The following ANAPC4 variants were observed in gnomAD, a reference collection of about 807,000 sequenced individuals.
The protein encoded by ANAPC4 is anaphase-promoting complex subunit 4.
ANAPC4 carries 63 observed loss-of-function variants against 119.8 expected under a neutral mutation model. The observed-to-expected ratio is 0.53, with a 90% CI of 0.43 to 0.65. ANAPC4 has a LOEUF of 0.65. Ranked by LOEUF, ANAPC4 falls within the 30% of genes least tolerant of loss-of-function variation. The probability of loss-of-function intolerance (pLI) is 0.00; values close to 1 mark genes in which losing one functional copy is unlikely to be tolerated. For synonymous variants in ANAPC4, 283 were observed against 318.6 expected (o/e 0.89, Z 1.19); for missense variants, 716 against 945.1 (o/e 0.76, Z 3.18).
intron 2 of ANAPC4, among the ~76,000 whole-genome samples, chr4:25,379,695 A>G (rs530450870): frequency 6.6e-6 from 1 of 152,328 alleles, no homozygotes; most frequent in South Asian, 2.1e-4. Flanking sequence ...TGGTTTCAGA[A>G]AAGAGAGGGT....
rs1723721147 is a variant in ANAPC4 at position 25,413,978 on chromosome 4, TC to T, written c.1623+237del. 5 of 484,160 alleles carry T rather than the reference TC, an allele frequency of 1.0e-5. No homozygotes were observed. The East Asian group carries it at 1.6e-4, about 16-fold the overall frequency. The allele number at this position is 484,160 out of a possible 1,614,324, so 30.0% of individuals were successfully genotyped here. A position where few individuals can be genotyped will look rare whatever the true frequency, so the allele number is the denominator to read the frequency against. On this transcript the variant is annotated intron_variant, in intron 22 of 28. Coordinates refer to ENST00000315368, the MANE Select transcript of ANAPC4 (RefSeq NM_013367.3). ...ATAAAGATTACTGAAGGTGTTGGCA[TC>T]TTGAGTATTTTATTTGTTCCCAGAA...
chr4:25,412,300 G>A (rs1312340117), intron 21 of ANAPC4, among the ~76,000 whole-genome samples: 1 of 151,998 alleles, frequency 6.6e-6, no homozygotes, highest in African/African-American at 2.4e-5. Context: ...TATTTCTGGC[G>A]GTTTCATTAT....
At chr4:25,381,826 T>C (rs1721745275) in intron 3 of ANAPC4, among the ~76,000 whole-genome samples, 2 of 152,090 alleles carry the variant, frequency 1.3e-5, no homozygotes, top group African/African-American at 4.8e-5. Flanking sequence ...TGGGCACCTG[T>C]AATCCCAGCT....
intron 20 of ANAPC4, among the ~76,000 whole-genome samples, chr4:25,408,574 AGT>A (rs989732053): frequency 1.2e-4 from 18 of 151,662 alleles, no homozygotes; most frequent in Admixed American, 2.6e-4. Context: ...TCCTCTGAGT[AGT>A]ACAGTGGTGC....
chr4:25,382,681 T>TA (rs1316727331), intron 3 of ANAPC4, among the ~76,000 whole-genome samples: 1 of 152,222 alleles, frequency 6.6e-6, no homozygotes, highest in East Asian at 1.9e-4. Context: ...GTGATGGTGA[T>TA]ATGCAGTGAA....
At chr4:25,414,269 G>A in intron 22 of ANAPC4, 55 bp from the exon 23 acceptor site, 2 of 1,244,032 alleles carry the variant, frequency 1.6e-6, no homozygotes, top group Non-Finnish European at 1.1e-6. Flanking sequence ...TTTCTGTAGA[G>A]TATCTGTGTG....
Position 25,414,658 on chromosome 4 carries a change from T to G in ANAPC4, c.1784T>G (p.Leu595Arg), listed in dbSNP as rs1260415474. The G allele has an allele frequency of 1.9e-6, 3 of 1,551,656 alleles. No individual in the cohort carries two copies. The East Asian group carries it at 6.8e-5, about 35-fold the overall frequency. ...YLLFTILEDS[L>R]YKMCILRRHT... Reference sequence around the variant, plus strand: ...CTTTTTACTATTCTAGAAGATTCACTTTATAAAATGTGCATCTTAAGGAGA... The same window carrying G: ...CTTTTTACTATTCTAGAAGATTCACGTTATAAAATGTGCATCTTAAGGAGA... Residue 595 changes from leucine to arginine, a missense_variant, in exon 25 of 29, where the codon CTT becomes CGT. This residue lies in a region of ANAPC4 where 504 missense variants were observed against 615.8 expected (regional missense o/e 0.82). Coordinates refer to ENST00000315368, the MANE Select transcript of ANAPC4 (RefSeq NM_013367.3).
chr4:25,383,353 G>T lies in ANAPC4; in HGVS notation c.328G>T (p.Val110Phe). 6.2e-7 allele frequency: 1 copy of T among 1,613,390 alleles called. No homozygotes were observed. The highest frequency in any genetic ancestry group is 8.5e-7 in the Non-Finnish European group (1 of 1,179,720). ...SLHSFSVEAP[V>F]SCMHWMEVTV... is the part of the protein sequence containing the mutation. Reference sequence around the variant, plus strand: ...ACACTCTTTTTCTGTGGAGGCTCCAGTTTCCTGTATGCATTGGATGGAAGT... The same window carrying T: ...ACACTCTTTTTCTGTGGAGGCTCCATTTTCCTGTATGCATTGGATGGAAGT... The change falls in exon 4 of 29, where the codon GTT (valine) becomes TTT (phenylalanine). Residue 110 changes from valine (V) to phenylalanine (F), a missense_variant. This residue lies in a region of ANAPC4 where 202 missense variants were observed against 293.5 expected (regional missense o/e 0.69). Coordinates refer to ENST00000315368, the MANE Select transcript of ANAPC4 (RefSeq NM_013367.3).
At chr4:25,382,974 G>A (rs1261011909) in intron 3 of ANAPC4, among the ~76,000 whole-genome samples, 1 of 152,180 alleles carries the variant, frequency 6.6e-6, no homozygotes, top group Non-Finnish European at 1.5e-5. Flanking sequence ...CTTGACAACA[G>A]GGTTTCAAGT....
At chr4:25,399,924 T>C (rs1395872261) in intron 16 of ANAPC4, among the ~76,000 whole-genome samples, 1 of 152,170 alleles carries the variant, frequency 6.6e-6, no homozygotes, top group African/African-American at 2.4e-5. Context: ...TCCTGCAGGC[T>C]GAGTGAAGAA....
At chr4:25,397,333 T>G (rs151338016) in intron 16 of ANAPC4, among the ~76,000 whole-genome samples, 1,868 of 152,274 alleles carry the variant, frequency 0.012, 46 homozygotes, top group African/African-American at 0.043. Flanking sequence ...TGAAGGGTGG[T>G]GTAGTACCTC....
At position 25,388,559 on chromosome 4, in the gene ANAPC4, C is replaced by G. The variant is rs765475845; in HGVS notation, c.428C>G (p.Pro143Arg). 8 of 1,604,150 alleles carry G rather than the reference C, an allele frequency of 5.0e-6. No individual in the cohort carries two copies. The highest frequency in any genetic ancestry group is 2.2e-5 in the East Asian group (1 of 44,690). ...DESNLLLPKL[P>R]TLPKNYSNTS... ...TCAAATCTTCTCTTACCTAAACTAC[C>G]TACACTGCCAAAAAAGTATGTATCA... is the stretch of plus-strand genomic sequence containing the variant. Residue 143 changes from proline (P) to arginine (R), a missense_variant, in exon 5 of 29, where the codon CCT (proline) becomes CGT (arginine). Physicochemically the swap from Pro to Arg is moderately radical, Grantham distance 103. Coordinates refer to ENST00000315368, the MANE Select transcript of ANAPC4 (RefSeq NM_013367.3).
chr4:25,417,550 C>G, intron 27 of ANAPC4, 66 bp from the exon 28 acceptor site: 1 of 1,466,716 alleles, frequency 6.8e-7, no homozygotes, highest in Non-Finnish European at 9.1e-7. Flanking sequence ...CTAATACCAC[C>G]TGTAGTAAAA....
chr4:25,395,109 A>G (rs1350471130), intron 14 of ANAPC4: 2 of 505,664 alleles, frequency 4.0e-6, no homozygotes, highest in African/African-American at 2.0e-5. Context: ...ATTTTCCAAC[A>G]TCTTTTCACC....
chr4:25,388,667 A>G (rs1230431432), intron 5 of ANAPC4, 50 bp from the exon 6 acceptor site: 1 of 1,568,798 alleles, frequency 6.4e-7, no homozygotes, highest in South Asian at 1.2e-5. Context: ...GTTTTAAAAT[A>G]TGTATTTTTA....
chr4:25,392,505 TG>T (rs896555264), intron 10 of ANAPC4, 84 bp downstream of exon 10: 68 of 1,154,842 alleles, frequency 5.9e-5, no homozygotes, highest in Non-Finnish European at 7.5e-5. Flanking sequence ...AATTTTGTTT[TG>T]TAAAGCTTTC....
intron 21 of ANAPC4, among the ~76,000 whole-genome samples, chr4:25,412,330 T>C (rs1355725901): frequency 6.6e-6 from 1 of 152,094 alleles, no homozygotes; most frequent in East Asian, 1.9e-4. Flanking sequence ...ATTGATGAAG[T>C]CATTGGCCAT....
chr4:25,382,114 CTT>C (rs549784708), intron 3 of ANAPC4, among the ~76,000 whole-genome samples: 27 of 82,294 alleles, frequency 3.3e-4, no homozygotes, highest in Admixed American at 1.6e-3. Context: ...ATAGCTTTTT[CTT>C]TTTTTTCCCC....
At position 25,398,774 on chromosome 4, in the gene ANAPC4, T is replaced by G. The variant is rs146922317; in HGVS notation, c.1214+1875T>G. 5.8e-3 allele frequency among the ~76,000 whole-genome samples: 878 copies of G among 152,216 alleles called. 7 individuals carry two copies. Among genetic ancestry groups the G allele is most frequent in the Middle Eastern group, 0.024 (7 of 294 alleles). On this transcript the variant is annotated intron_variant, in intron 16 of 28. Transcript: ENST00000315368. Reference sequence around the variant, plus strand: ...CTGAAGTGGTCAGGATTGGGATATATTTTGAGAATGTAATTAACAAGATTT... The same window carrying G: ...CTGAAGTGGTCAGGATTGGGATATAGTTTGAGAATGTAATTAACAAGATTT...
Sources: gnomAD v4.1 joint callset for allele counts (sites outside exome capture counted in the v4.1 genomes callset) on GRCh38, gnomAD v4.1.1 for gene constraint, gnomAD v4.1.1 regional missense constraint, MANE v1.5 for transcripts, NCBI Gene and HGNC (gene_info 2026-07-23, HGNC 2026-07-21) for gene names.